The following LTB variants were observed in gnomAD, a reference collection of about 807,000 sequenced individuals.
LTB encodes lymphotoxin-beta.
A neutral mutation model predicts 14.7 loss-of-function variants in LTB; 17 were observed. The observed-to-expected ratio is 1.16, with a 90% CI of 0.79 to 1.73. The LOEUF (loss-of-function observed/expected upper bound fraction) is 1.73. Among genes scored for constraint, LTB ranks in the 40% most tolerant of loss-of-function variants. LTB has a pLI of 0.00. For synonymous variants in LTB, 163 were observed against 157.3 expected, an observed-to-expected ratio of 1.04 and a Z score of -0.27; for missense variants, 288 against 324.3, an observed-to-expected ratio of 0.89 and a Z score of 0.86.
intron 1 of LTB, 160 bp from the exon 2 acceptor site, chr6:31,582,019 T>G (rs1562487198): frequency 2.4e-6 from 2 of 824,930 alleles, no homozygotes; most frequent in Admixed American, 2.8e-5. Flanking sequence ...CATAGGTACT[T>G]GGGCGGAGAA....
In LTB at chr6:31,580,952, G is replaced by A. The variant is rs1298035323; in HGVS notation, c.492C>T (p.Tyr164=). The part of the protein sequence containing the change: ...GRSVTLRSSL[Y]RAGGAYGPGT... Reference sequence around the variant, plus strand: ...CCGGCCCGTAGGCGCCCCCCGCCCGGTACAGAGAGCTGCGCAGCGTGACCG... The same window carrying A: ...CCGGCCCGTAGGCGCCCCCCGCCCGATACAGAGAGCTGCGCAGCGTGACCG... Residue 164 remains tyrosine (Y), a synonymous_variant, in exon 4 of 4, where the codon TAC becomes TAT. Transcript: ENST00000429299. The surrounding 1 kb of genome is among the most constrained non-coding windows in gnomAD (Gnocchi z 6.6). The A allele has an allele frequency of 8.9e-6, 14 of 1,571,488 alleles. No homozygotes were observed. The highest frequency in any genetic ancestry group is 1.2e-5 in the Non-Finnish European group (14 of 1,159,386).
chr6:31,581,792 AGGAGAGACAGTCT>A lies in LTB; in HGVS notation c.208+9_208+21del, dbSNP rs1461449549. On this transcript the variant is annotated intron_variant, in intron 2 of 3. Transcript: ENST00000429299. ...AGCCCCTGAGGGTCTGAAGCGGGGA[AGGAGAGACAGTCT>A]GCTCTTACCCAGTCCTTGCTGGGCC... 1 of 1,612,394 alleles carries A rather than the reference AGGAGAGACAGTCT, an allele frequency of 6.2e-7. No individual in the cohort carries two copies.
Position 31,581,098 on chromosome 6 carries a change from C to A in LTB, c.346G>T (p.Gly116Trp), listed in dbSNP as rs572807966. The A allele has an allele frequency of 6.2e-7, 1 of 1,607,368 alleles. No homozygotes were observed. Among genetic ancestry groups the A allele is most frequent in the Non-Finnish European group, 8.5e-7 (1 of 1,177,484 alleles). The change falls in exon 4 of 4, where the codon GGG (glycine) becomes TGG (tryptophan). Residue 116 changes from glycine (G) to tryptophan (W), a missense_variant. Around this residue, in one of 2 missense-constraint regions of LTB, gnomAD observed 284 missense variants for 299.2 expected, o/e 0.95. Transcript: ENST00000429299. ...TTKEQAFLTS[G>W]TQFSDAEGLA... ...CCCTCGGCGTCCGAGAACTGCGTCC[C>A]GCTCGTCAGAAACGCCTGTTCCTTC...
intron 3 of LTB, 146 bp downstream of exon 3, chr6:31,581,413 G>T: frequency 1.2e-6 from 1 of 841,022 alleles, no homozygotes; most frequent in South Asian, 1.5e-5. Context: ...CTGCGGGGAC[G>T]AGCGTAAGAG....
chr6:31,581,728 T>A, intron 2 of LTB, 86 bp downstream of exon 2: 2 of 1,601,826 alleles, frequency 1.2e-6, no homozygotes, highest in Non-Finnish European at 8.5e-7. Flanking sequence ...CCTGGATTCC[T>A]AGAGGAAGAG....
chr6:31,581,659 G>A, intron 2 of LTB, 29 bp from the exon 3 acceptor site: 15 of 1,608,914 alleles, frequency 9.3e-6, no homozygotes, highest in Non-Finnish European at 1.3e-5. Context: ...CCACGATTGG[G>A]GGCAGGGCAG....
rs1771421332 is a variant in LTB at position 31,580,735 on chromosome 6, A to C, written c.709T>G (p.Phe237Val). 1 of 1,611,856 alleles carries C rather than the reference A, an allele frequency of 6.2e-7. No homozygotes were observed. The highest frequency in any genetic ancestry group is 1.7e-5 in the Admixed American group (1 of 59,960). ...DMVDFARGKT[F>V]FGAVMVG ...CACCCCACCATCACGGCCCCAAAGA[A>C]GGTCTTCCCTCTCGCGAAGTCCACC... The change falls in exon 4 of 4, where the codon TTC becomes GTC. Residue 237 changes from phenylalanine (F) to valine (V), a missense_variant. Around this residue, in one of 2 missense-constraint regions of LTB, gnomAD observed 4 missense variants for 25.1 expected, o/e 0.16. Coordinates refer to ENST00000429299, the MANE Select transcript of LTB (RefSeq NM_002341.2). The surrounding 1 kb of genome is among the most constrained non-coding windows in gnomAD (Gnocchi z 6.6).
chr6:31,581,785 G>A, intron 2 of LTB, 29 bp downstream of exon 2: 1 of 1,612,504 alleles, frequency 6.2e-7, no homozygotes, highest in Non-Finnish European at 8.5e-7. Flanking sequence ...AGGGTCTGAA[G>A]CGGGGAAGGA....
In LTB at chr6:31,582,317, A is replaced by G. The variant is rs943895674; in HGVS notation, c.101T>C (p.Leu34Pro). 6.2e-7 allele frequency: 1 copy of G among 1,612,954 alleles called. No homozygotes were observed. The highest frequency in any genetic ancestry group is 1.3e-5 in the African/African-American group (1 of 74,930). The change falls in exon 1 of 4, where the codon CTG becomes CCG. Residue 34 changes from leucine to proline, a missense_variant. By Grantham distance (98) the Leu-to-Pro change is moderately conservative. Around this residue, in one of 2 missense-constraint regions of LTB, gnomAD observed 284 missense variants for 299.2 expected, o/e 0.95. Coordinates refer to ENST00000429299, the MANE Select transcript of LTB (RefSeq NM_002341.2). ...AGCCAGGACAGTGATAGGCACCGCC[A>G]GCAACAAGGTCACCAGAGAAGTGGC... ...AGATSLVTLLLAVPITVLAVL... is the reference protein window; with the variant it reads ...AGATSLVTLLPAVPITVLAVL...
At chr6:31,582,121 A>T (rs191324201) in intron 1 of LTB, 135 bp downstream of exon 1, 1 of 1,057,106 alleles carries the variant, frequency 9.5e-7, no homozygotes, top group Admixed American at 2.1e-5. Flanking sequence ...GAGAGTCAGC[A>T]AAGAGACAAG....
Position 31,582,410 on chromosome 6 carries a change from G to A in LTB, c.8C>T (p.Ala3Val). ...CCCACCCCTGCCCTCCAGCCCCAGTGCCCCCATTGAGACTGAACCAGAGCC... is the reference window on the plus strand; with the variant it reads ...CCCACCCCTGCCCTCCAGCCCCAGTACCCCCATTGAGACTGAACCAGAGCC... MG[A>V]LGLEGRGGRL... The change falls in exon 1 of 4, where the codon GCA becomes GTA. Residue 3 changes from alanine (A) to valine (V), a missense_variant. Around this residue, in one of 2 missense-constraint regions of LTB, gnomAD observed 284 missense variants for 299.2 expected, o/e 0.95. Coordinates refer to ENST00000429299, the MANE Select transcript of LTB (RefSeq NM_002341.2). 6.2e-7 allele frequency: 1 copy of A among 1,612,076 alleles called. No homozygotes were observed. Among genetic ancestry groups the A allele is most frequent in the Non-Finnish European group, 8.5e-7 (1 of 1,179,706 alleles).
Position 31,580,644 on chromosome 6 carries a change from G to A in LTB, c.*65C>T. On this transcript the variant is annotated 3_prime_UTR_variant, in exon 4 of 4. Coordinates refer to ENST00000429299, the MANE Select transcript of LTB (RefSeq NM_002341.2). The surrounding 1 kb of genome is among the most constrained non-coding windows in gnomAD (Gnocchi z 6.6). ...AACAGTCTCCTACATTTTTCCCACTGCCATGGGGTCCTGGGCGTCCGGGCC... is the reference window on the plus strand; with the variant it reads ...AACAGTCTCCTACATTTTTCCCACTACCATGGGGTCCTGGGCGTCCGGGCC... The A allele has an allele frequency of 7.0e-7, 1 of 1,426,520 alleles. No individual in the cohort carries two copies. The highest frequency in any genetic ancestry group is 9.6e-7 in the Non-Finnish European group (1 of 1,041,036). 88.4% of individuals were successfully genotyped at this position (1,426,520 alleles called of 1,614,324 possible). A position where few individuals can be genotyped will look rare whatever the true frequency, so the allele number is the denominator to read the frequency against.
chr6:31,581,995 G>A (rs537190570), intron 1 of LTB, 136 bp from the exon 2 acceptor site: 3 of 938,046 alleles, frequency 3.2e-6, no homozygotes, highest in Admixed American at 2.6e-5. Flanking sequence ...CCTTAGAAGG[G>A]AGAACAAGCA....
At chr6:31,581,686 C>G in intron 2 of LTB, 56 bp from the exon 3 acceptor site, 1 of 1,600,570 alleles carries the variant, frequency 6.2e-7, no homozygotes, top group Non-Finnish European at 8.6e-7. Context: ...ATGCAGGCTA[C>G]CCTTGAGAGA....
intron 2 of LTB, 34 bp downstream of exon 2, chr6:31,581,780 C>G (rs1319577546): frequency 6.2e-7 from 1 of 1,612,480 alleles, no homozygotes; most frequent in Non-Finnish European, 8.5e-7. Context: ...CCCTGAGGGT[C>G]TGAAGCGGGG....
At position 31,582,350 on chromosome 6, in the gene LTB, A is replaced by G; in HGVS notation, c.68T>C (p.Val23Ala). The change falls in exon 1 of 4, where the codon GTG becomes GCG. Residue 23 changes from valine (V) to alanine (A), a missense_variant. Physicochemically the swap from Val to Ala is moderately conservative, Grantham distance 64 (BLOSUM62 0). This residue lies in a region of LTB where 284 missense variants were observed against 299.2 expected (regional missense o/e 0.95). Transcript: ENST00000429299. ...LQGRGSLLLAVAGATSLVTLL... is the reference protein window; with the variant it reads ...LQGRGSLLLAAAGATSLVTLL... ...GGTCACCAGAGAAGTGGCTCCTGCCACAGCTAGCAGGAGGGAACCCCTCCC... is the reference window on the plus strand; with the variant it reads ...GGTCACCAGAGAAGTGGCTCCTGCCGCAGCTAGCAGGAGGGAACCCCTCCC... The G allele has an allele frequency of 6.2e-7, 1 of 1,612,988 alleles. No homozygotes were observed. The highest frequency in any genetic ancestry group is 8.5e-7 in the Non-Finnish European group (1 of 1,179,966).
intron 3 of LTB, 105 bp downstream of exon 3, chr6:31,581,454 G>T: frequency 1.8e-6 from 2 of 1,087,882 alleles, no homozygotes; most frequent in Non-Finnish European, 2.8e-6. Context: ...TCGTGAAGCG[G>T]GTGGGAAACC....
Position 31,580,907 on chromosome 6 carries a change from G to A in LTB, c.537C>T (p.Leu179=). The A allele has an allele frequency of 6.3e-7, 1 of 1,594,164 alleles. No individual in the cohort carries two copies. The highest frequency in any genetic ancestry group is 8.5e-7 in the Non-Finnish European group (1 of 1,171,478). Reference sequence around the variant, plus strand: ...CTGGAGTCACCGTCTCGGCGCCCTCGAGCAGCAGCTCGGGAGTGCCCGGCC... The same window carrying A: ...CTGGAGTCACCGTCTCGGCGCCCTCAAGCAGCAGCTCGGGAGTGCCCGGCC... ...AYGPGTPELL[L]EGAETVTPVL... is the part of the protein sequence containing the mutation. The change falls in exon 4 of 4, where the codon CTC becomes CTT. Residue 179 remains leucine, a synonymous_variant. Coordinates refer to ENST00000429299, the MANE Select transcript of LTB (RefSeq NM_002341.2). This position sits in a 1 kb window ranked among gnomAD's most constrained non-coding sequence, Gnocchi z 6.6.
chr6:31,581,560 T>A lies in LTB; in HGVS notation c.279A>T (p.Ile93=). The A allele has an allele frequency of 6.2e-7, 1 of 1,612,818 alleles. No homozygotes were observed. ...TATTCAGGTCTTGGAGGTCCTTACC[T>A]ATGAGGTGGGCAGCTGGGAGCCCGG... ...LSPGLPAAHL[I]GAPLKGQGLG... Residue 93 remains isoleucine, a splice_region_variant and synonymous_variant, in exon 3 of 4, where the codon ATA becomes ATT. Coordinates refer to ENST00000429299, the MANE Select transcript of LTB (RefSeq NM_002341.2).
Sources: allele counts gnomAD v4.1 joint callset, GRCh38; gene constraint gnomAD v4.1.1; regional missense constraint gnomAD v4.1.1; non-coding constraint Gnocchi (gnomAD v3.1); transcripts MANE v1.5; gene names NCBI Gene and HGNC (gene_info 2026-07-23, HGNC 2026-07-21).